Variants in RALGAPA2 observed in about 807,000 individuals in gnomAD.
RALGAPA2 encodes Ral GTPase activating protein catalytic subunit alpha 2.
A neutral mutation model predicts 230.4 loss-of-function variants in RALGAPA2; 139 were observed. The ratio of observed to expected loss-of-function variants is 0.60; its 90% CI spans 0.53 to 0.69. The LOEUF (loss-of-function observed/expected upper bound fraction) is 0.69. Among genes scored for constraint, RALGAPA2 ranks in the 30% least tolerant of loss-of-function variants. The pLI is 0.00. For synonymous variants in RALGAPA2, 847 were observed against 837.8 expected (o/e 1.01, Z -0.19); for missense variants, 2,163 against 2,276.0 (o/e 0.95, Z 1.01).
chr20:20,604,851 C>G (rs149232366), intron 15 of RALGAPA2, among the ~76,000 whole-genome samples: 52 of 152,268 alleles, frequency 3.4e-4, no homozygotes, highest in African/African-American at 1.2e-3. Flanking sequence ...GGGGATAATA[C>G]AAGTATCTAC....
At chr20:20,639,197 G>T (rs2066951603) in intron 7 of RALGAPA2, among the ~76,000 whole-genome samples, 2 of 152,220 alleles carry the variant, frequency 1.3e-5, no homozygotes, top group Admixed American at 1.3e-4. Context: ...TTGTGAAGGG[G>T]AAGACAGATA....
intron 37 of RALGAPA2, among the ~76,000 whole-genome samples, chr20:20,454,856 A>G (rs1441693965): frequency 6.6e-6 from 1 of 152,202 alleles, no homozygotes; most frequent in Non-Finnish European, 1.5e-5. Flanking sequence ...ATATATATAT[A>G]TTTTTAAAGT....
At chr20:20,688,680 G>A in intron 1 of RALGAPA2, among the ~76,000 whole-genome samples, 1 of 152,202 alleles carries the variant, frequency 6.6e-6, no homozygotes, top group East Asian at 1.9e-4. Context: ...AGCAGAGAGT[G>A]TCAGGTCTCC....
Position 20,567,857 on chromosome 20 carries a change from T to TAATAAAATAAAATAAAATAAAATAA in RALGAPA2, c.3156+3576_3156+3600dup, listed in dbSNP as rs10525989. On this transcript the variant is annotated intron_variant, in intron 23 of 39. Transcript: ENST00000202677. ...ACCCCATCTCTAAAAAAAAAAGCAA[T>TAATAAAATAAAATAAAATAAAATAA]AATAAAATAAAATAAAATAAAATAA... Among the ~76,000 whole-genome samples the TAATAAAATAAAATAAAATAAAATAA allele has an allele frequency of 3.2e-5, 4 of 125,492 alleles. 1 individual carries two copies. In the East Asian group the frequency reaches 6.9e-4, roughly 22 times the overall value. The allele number at this position is 125,492 out of a possible 152,430, so 82.3% of individuals were successfully genotyped here. A position where few individuals can be genotyped will look rare whatever the true frequency, so the allele number is the denominator to read the frequency against.
intron 35 of RALGAPA2, among the ~76,000 whole-genome samples, chr20:20,496,981 G>A (rs917767825): frequency 6.6e-6 from 1 of 152,182 alleles, no homozygotes; most frequent in African/African-American, 2.4e-5. Context: ...CGGGTGCTGA[G>A]CACAAGTCAC....
intron 3 of RALGAPA2, among the ~76,000 whole-genome samples, chr20:20,671,030 C>T (rs983181769): frequency 6.6e-6 from 1 of 151,580 alleles, no homozygotes; most frequent in African/African-American, 2.4e-5. Context: ...TCTGAAGCTA[C>T]AGGCAAAGGC....
chr20:20,562,274 T>C (rs1254665476), intron 23 of RALGAPA2, among the ~76,000 whole-genome samples: 1 of 152,138 alleles, frequency 6.6e-6, no homozygotes, highest in Non-Finnish European at 1.5e-5. Context: ...CCAGTGACTC[T>C]ATTAAAAAAG....
intron 9 of RALGAPA2, among the ~76,000 whole-genome samples, chr20:20,632,474 A>C (rs2066708732): frequency 6.6e-6 from 1 of 152,232 alleles, no homozygotes; most frequent in Non-Finnish European, 1.5e-5. Context: ...TCTACTTCTC[A>C]TCATCCAGAT....
Position 20,468,322 on chromosome 20 carries a change from G to C in RALGAPA2, c.5495+4507C>G, listed in dbSNP as rs1487416962. 3.3e-5 allele frequency among the ~76,000 whole-genome samples: 5 copies of C among 152,156 alleles called. No individual in the cohort carries two copies. The East Asian group carries it at 9.6e-4, about 29-fold the overall frequency. On this transcript the variant is annotated intron_variant, in intron 37 of 39. Coordinates refer to ENST00000202677, the MANE Select transcript of RALGAPA2 (RefSeq NM_020343.4). ...CTGTTTAGAAATTTGGATTAGAAAAGCATGGCCATCCCTCCCATCTGGGGG... is the reference window on the plus strand; with the variant it reads ...CTGTTTAGAAATTTGGATTAGAAAACCATGGCCATCCCTCCCATCTGGGGG...
chr20:20,570,195 T>TACA (rs1032144870), intron 23 of RALGAPA2, among the ~76,000 whole-genome samples: 36 of 152,282 alleles, frequency 2.4e-4, no homozygotes, highest in African/African-American at 3.6e-4. Flanking sequence ...ACTGCTAAAA[T>TACA]CACAATGAAT....
intron 10 of RALGAPA2, among the ~76,000 whole-genome samples, chr20:20,627,388 T>C (rs1164882245): frequency 6.6e-6 from 1 of 152,222 alleles, no homozygotes. Flanking sequence ...GGTCTTGTTA[T>C]CATTAAGATA....
chr20:20,613,645 C>A (rs1391239528), intron 13 of RALGAPA2, among the ~76,000 whole-genome samples: 2 of 152,202 alleles, frequency 1.3e-5, no homozygotes, highest in African/African-American at 2.4e-5. Context: ...CTCACTCCAT[C>A]TACTCCACCA....
At chr20:20,413,943 C>T (rs537425477) in intron 37 of RALGAPA2, among the ~76,000 whole-genome samples, 1 of 152,364 alleles carries the variant, frequency 6.6e-6, no homozygotes, top group Non-Finnish European at 1.5e-5. Flanking sequence ...CCCACTAATG[C>T]CATTCACGTC....
chr20:20,512,770 T>C lies in RALGAPA2; in HGVS notation c.4599A>G (p.Glu1533=), dbSNP rs182386610. 3.7e-6 allele frequency: 6 copies of C among 1,613,876 alleles called. No homozygotes were observed. The highest frequency in any genetic ancestry group is 2.2e-5 in the South Asian group (2 of 91,074). The stretch of plus-strand genomic sequence containing the variant: ...GATTTAGCTGTGACGGTAAAAGGCA[T>C]TCAGGACTTGTATGGCCAATGTTTT... The part of the protein sequence containing the change: ...LLENIGHTSP[E]CLLPSQLNLN... Residue 1533 remains glutamate, a synonymous_variant, in exon 32 of 40, where the codon GAA becomes GAG. Transcript: ENST00000202677.
chr20:20,524,745 A>C, intron 29 of RALGAPA2, 85 bp downstream of exon 29: 2 of 1,333,840 alleles, frequency 1.5e-6, no homozygotes, highest in Non-Finnish European at 2.0e-6. Flanking sequence ...TACAAAGGAT[A>C]TCACTAGTTG....
At chr20:20,645,043 T>C (rs2067160750) in intron 4 of RALGAPA2, among the ~76,000 whole-genome samples, 1 of 151,966 alleles carries the variant, frequency 6.6e-6, no homozygotes, top group Non-Finnish European at 1.5e-5. Context: ...TGTGTGAGCA[T>C]TGGTGCTTGT....
At chr20:20,566,189 T>G (rs947808600) in intron 23 of RALGAPA2, among the ~76,000 whole-genome samples, 1 of 152,200 alleles carries the variant, frequency 6.6e-6, no homozygotes, top group Admixed American at 6.5e-5. Flanking sequence ...GGCTGGTGTC[T>G]CTGCTGGACA....
intron 3 of RALGAPA2, among the ~76,000 whole-genome samples, chr20:20,676,027 C>T (rs975023856): frequency 6.6e-6 from 1 of 151,826 alleles, no homozygotes; most frequent in Non-Finnish European, 1.5e-5. Flanking sequence ...ACAGGAAAAA[C>T]TATCACACAT....
chr20:20,492,545 G>A (rs2062088497), intron 36 of RALGAPA2, among the ~76,000 whole-genome samples: 1 of 152,150 alleles, frequency 6.6e-6, no homozygotes, highest in African/African-American at 2.4e-5. Flanking sequence ...TAAAAGGCTG[G>A]GGAATGGGTA....
Sources: gnomAD v4.1 joint callset for allele counts (sites outside exome capture counted in the v4.1 genomes callset) on GRCh38, gnomAD v4.1.1 for gene constraint, MANE v1.5 for transcripts, NCBI Gene and HGNC (gene_info 2026-07-23, HGNC 2026-07-21) for gene names.